CDH13: variants seen among roughly 807,000 people sequenced by gnomAD.
The protein encoded by CDH13 is cadherin 13, also known as cadherin-13.
Under a neutral mutation model 63.8 loss-of-function variants are expected in CDH13, and 24 were observed. The observed-to-expected ratio is 0.38, with a 90% CI of 0.27 to 0.53. The LOEUF is 0.53. Among genes scored for constraint, CDH13 ranks in the 20% least tolerant of loss-of-function variants. The pLI is 0.85. For missense variants in CDH13, 1,049 were observed against 903.1 expected (o/e 1.16, Z -2.07); for synonymous variants, 503 against 355.3 (o/e 1.42, Z -4.67).
chr16:83,310,298 A>G (rs938075157), intron 5 of CDH13, among the ~76,000 whole-genome samples: 1 of 152,224 alleles, frequency 6.6e-6, no homozygotes. Context: ...TAAGATACGG[A>G]GTAATTGCAT....
chr16:82,647,567 C>G (rs1910242836), intron 1 of CDH13, among the ~76,000 whole-genome samples: 1 of 152,146 alleles, frequency 6.6e-6, no homozygotes, highest in Admixed American at 6.5e-5. Flanking sequence ...TGTGGAATAC[C>G]TGCTTCCAAG....
chr16:83,224,059 A>G (rs933380797), intron 5 of CDH13, among the ~76,000 whole-genome samples: 1 of 152,184 alleles, frequency 6.6e-6, no homozygotes, highest in Non-Finnish European at 1.5e-5. Context: ...CTCACAACTT[A>G]GCTCCTAATT....
At chr16:83,118,097 G>T (rs762994282) in intron 3 of CDH13, among the ~76,000 whole-genome samples, 1 of 152,206 alleles carries the variant, frequency 6.6e-6, no homozygotes, top group Admixed American at 6.5e-5. Flanking sequence ...GGATGAGGCT[G>T]CAGCAGGCCT....
intron 5 of CDH13, among the ~76,000 whole-genome samples, chr16:83,227,120 G>C (rs1356596478): frequency 6.6e-6 from 1 of 152,206 alleles, no homozygotes; most frequent in Non-Finnish European, 1.5e-5. Flanking sequence ...CTGCAAGATT[G>C]AAAGTGAAGG....
Position 83,669,907 on chromosome 16 carries a change from G to T in CDH13, c.1102-883G>T, listed in dbSNP as rs117197191. Among the ~76,000 whole-genome samples the T allele has an allele frequency of 3.9e-4, 60 of 152,272 alleles. 1 individual carries two copies. The East Asian group carries it at 8.3e-3, about 21-fold the overall frequency. ...ACTATTCACCTGTAGTGTGTCAGAG[G>T]TAAGCACCAAAACAATACTTTATGC... On this transcript the variant is annotated intron_variant, in intron 8 of 13. Transcript: ENST00000567109.
intron 3 of CDH13, among the ~76,000 whole-genome samples, chr16:83,045,458 G>A (rs1277260706): frequency 6.6e-6 from 1 of 151,888 alleles, no homozygotes; most frequent in Non-Finnish European, 1.5e-5. Flanking sequence ...CCAAGATGGT[G>A]AAACCCTATC....
At chr16:83,659,183 C>A (rs866590130) in intron 8 of CDH13, among the ~76,000 whole-genome samples, 1 of 148,664 alleles carries the variant, frequency 6.7e-6, no homozygotes, top group Non-Finnish European at 1.5e-5. Context: ...ATATCCTCAC[C>A]AGGAAGGTCC....
chr16:82,779,950 G>A (rs1303026626), intron 1 of CDH13, among the ~76,000 whole-genome samples: 2 of 152,138 alleles, frequency 1.3e-5, no homozygotes, highest in Non-Finnish European at 2.9e-5. Flanking sequence ...TCATGTTACT[G>A]CATCTTACCT....
intron 2 of CDH13, among the ~76,000 whole-genome samples, chr16:82,973,990 G>T (rs1909145479): frequency 2.0e-5 from 3 of 152,128 alleles, no homozygotes; most frequent in Admixed American, 2.0e-4. Flanking sequence ...TGGTGTGATA[G>T]CTCACTGCAA....
chr16:83,631,551 T>G (rs903872558), intron 8 of CDH13, among the ~76,000 whole-genome samples: 2 of 152,166 alleles, frequency 1.3e-5, no homozygotes, highest in African/African-American at 4.8e-5. Context: ...TTCTTTCATT[T>G]AGCAGAGTTA....
At chr16:83,087,464 T>A (rs915285011) in intron 3 of CDH13, among the ~76,000 whole-genome samples, 20 of 152,076 alleles carry the variant, frequency 1.3e-4, no homozygotes, top group African/African-American at 4.8e-4. Flanking sequence ...GGTCAGGAGT[T>A]CGAGACCAGC....
intron 3 of CDH13, among the ~76,000 whole-genome samples, chr16:83,067,160 C>G (rs896287825): frequency 1.3e-5 from 2 of 152,192 alleles, no homozygotes; most frequent in Non-Finnish European, 2.9e-5. Flanking sequence ...TATCTTTGCT[C>G]TTATTCCAAA....
rs141578992 is a variant in CDH13, at chr16:82,657,341, C to T, written c.45+30204C>T. ...CAAAATCTGTTGTAGCGCACTCACC[C>T]TTCTCTTTTAATCTGTCAGTCTGAT... On this transcript the variant is annotated intron_variant, in intron 1 of 13. Transcript: ENST00000567109. Among the ~76,000 whole-genome samples the T allele has an allele frequency of 2.9e-3, 439 of 152,286 alleles. 3 individuals are homozygous for T. Among genetic ancestry groups the T allele is most frequent in the Middle Eastern group, 0.01 (3 of 294 alleles).
At chr16:83,282,850 T>C (rs1284678675) in intron 5 of CDH13, among the ~76,000 whole-genome samples, 1 of 152,224 alleles carries the variant, frequency 6.6e-6, no homozygotes, top group African/African-American at 2.4e-5. Flanking sequence ...TGTTATTCTA[T>C]TGAGCAATTG....
Position 83,420,557 on chromosome 16 carries a change from T to C in CDH13, c.782-65920T>C, listed in dbSNP as rs1301941756. On this transcript the variant is annotated intron_variant, in intron 6 of 13. Transcript: ENST00000567109. The stretch of plus-strand genomic sequence containing the variant: ...TGTGCACATGACAGCATCTTTTACG[T>C]ACCGATTAAATTACCAGTGGTACCA... Among the ~76,000 whole-genome samples, 5 of 152,230 alleles carry C rather than the reference T, an allele frequency of 3.3e-5. No individual in the cohort carries two copies. The East Asian group carries it at 7.7e-4, about 23-fold the overall frequency.
intron 6 of CDH13, among the ~76,000 whole-genome samples, chr16:83,359,932 A>G (rs1313789029): frequency 6.6e-6 from 1 of 152,248 alleles, no homozygotes. Flanking sequence ...CCCTGTAGCC[A>G]TTAGACGTCG....
chr16:82,977,373 G>T (rs967041642), intron 2 of CDH13, among the ~76,000 whole-genome samples: 2 of 152,154 alleles, frequency 1.3e-5, no homozygotes, highest in Non-Finnish European at 2.9e-5. Context: ...ACACTGATAT[G>T]GTTTGGCTGT....
At position 83,081,707 on chromosome 16, in the gene CDH13, A is replaced by AG. The variant is rs1567811528; in HGVS notation, c.367-43678_367-43677insG. ...CAGTAAAGAGAGAGAGAGAGAGAGA[A>AG]AGAGAGAGAGAGAAAGAGCTCGCAA... is the stretch of plus-strand genomic sequence containing the variant. On this transcript the variant is annotated intron_variant, in intron 3 of 13. Coordinates refer to ENST00000567109, the MANE Select transcript of CDH13 (RefSeq NM_001257.5). Among the ~76,000 whole-genome samples the AG allele has an allele frequency of 1.4e-3, 213 of 150,760 alleles. 1 individual carries two copies. Among genetic ancestry groups the AG allele is most frequent in the African/African-American group, 2.5e-3 (104 of 40,792 alleles).
chr16:83,607,344 A>T (rs1045101036), intron 8 of CDH13, among the ~76,000 whole-genome samples: 3 of 151,904 alleles, frequency 2.0e-5, no homozygotes, highest in African/African-American at 7.3e-5. Flanking sequence ...TGCTTGAACC[A>T]GGGAGTCAGA....
Sources: gnomAD v4.1 joint callset for allele counts (sites outside exome capture counted in the v4.1 genomes callset) on GRCh38, gnomAD v4.1.1 for gene constraint, MANE v1.5 for transcripts, NCBI Gene and HGNC (gene_info 2026-07-23, HGNC 2026-07-21) for gene names.